GLDN: variants seen among roughly 807,000 people sequenced by gnomAD.
The protein encoded by GLDN is gliomedin.
A neutral mutation model predicts 56.5 loss-of-function variants in GLDN; 47 were observed. The observed-to-expected ratio is 0.83, with a 90% CI of 0.66 to 1.06. The LOEUF (loss-of-function observed/expected upper bound fraction) is 1.06. GLDN is among the 50% of genes least tolerant of loss of function. The pLI, the probability that GLDN is intolerant of heterozygous loss-of-function variation, is 0.00. For missense variants in GLDN, 782 were observed against 714.3 expected, an observed-to-expected ratio of 1.09 and a Z score of -1.08; for synonymous variants, 332 against 278.8, an observed-to-expected ratio of 1.19 and a Z score of -1.90.
At chr15:51,411,180 G>C (rs533605065), downstream of GLDN, among the ~76,000 whole-genome samples, 1 of 152,328 alleles carries the variant, frequency 6.6e-6, no homozygotes, top group Admixed American at 6.5e-5. Flanking sequence ...ATCACCAATA[G>C]AAAACTGAGT....
At chr15:51,398,708 T>C (rs2038187326) in intron 6 of GLDN, among the ~76,000 whole-genome samples, 1 of 152,218 alleles carries the variant, frequency 6.6e-6, no homozygotes, top group African/African-American at 2.4e-5. Flanking sequence ...AATTCTGCAA[T>C]GTGAGACCAC....
At chr15:51,363,047 C>A (rs543944840) in intron 1 of GLDN, among the ~76,000 whole-genome samples, 12 of 152,166 alleles carry the variant, frequency 7.9e-5, no homozygotes, top group African/African-American at 2.9e-4. Flanking sequence ...GGCAAAACTG[C>A]AGATAGAACA....
intron 1 of GLDN, among the ~76,000 whole-genome samples, chr15:51,355,431 G>T (rs947911216): frequency 4.6e-5 from 7 of 152,048 alleles, no homozygotes; most frequent in African/African-American, 1.4e-4. Flanking sequence ...TAATTGGCAC[G>T]TAATGAGCAG....
chr15:51,400,124 G>C, intron 6 of GLDN, 68 bp from the exon 7 acceptor site: 1 of 1,326,150 alleles, frequency 7.5e-7, no homozygotes, highest in South Asian at 1.2e-5. Flanking sequence ...AAGAGCAGCA[G>C]CTATAAAGTC....
intron 1 of GLDN, among the ~76,000 whole-genome samples, chr15:51,373,896 C>G (rs2037568863): frequency 1.3e-5 from 2 of 152,160 alleles, no homozygotes; most frequent in Admixed American, 1.3e-4. Flanking sequence ...ATTTGACCAT[C>G]TAGATTTTGT....
chr15:51,384,099 T>C, intron 4 of GLDN: 1 of 605,312 alleles, frequency 1.7e-6, no homozygotes, highest in South Asian at 1.7e-5. Context: ...TATTTCAAAC[T>C]GGAGAAGCCG....
At chr15:51,391,611 G>A (rs557911593) in intron 4 of GLDN, among the ~76,000 whole-genome samples, 1 of 152,300 alleles carries the variant, frequency 6.6e-6, no homozygotes, top group East Asian at 1.9e-4. Flanking sequence ...CGGGCAGAAG[G>A]GCTCTTCTCA....
At chr15:51,360,618 C>G (rs941569904) in intron 1 of GLDN, 1 of 152,272 alleles carries the variant, frequency 6.6e-6, no homozygotes, top group African/African-American at 2.4e-5. Context: ...TCTTCTGTCC[C>G]GGATAACTAT....
At chr15:51,356,614 G>A (rs78701877) in intron 1 of GLDN, among the ~76,000 whole-genome samples, 9 of 152,260 alleles carry the variant, frequency 5.9e-5, no homozygotes, top group East Asian at 1.9e-4. Flanking sequence ...GGTAAAGAGC[G>A]TGGGCATTGG....
chr15:51,351,064 A>AT (rs990094710), intron 1 of GLDN: 5 of 246,646 alleles, frequency 2.0e-5, no homozygotes, highest in Admixed American at 4.1e-5. Flanking sequence ...TAAACTCAAG[A>AT]TTTTTTTGTC....
At chr15:51,370,236 TC>T (rs1430967576) in intron 1 of GLDN, among the ~76,000 whole-genome samples, 1 of 152,162 alleles carries the variant, frequency 6.6e-6, no homozygotes, top group Non-Finnish European at 1.5e-5. Flanking sequence ...TCATCCCTCC[TC>T]CCCACATCCT....
intron 1 of GLDN, among the ~76,000 whole-genome samples, chr15:51,359,122 A>G (rs887620670): frequency 2.0e-5 from 3 of 152,186 alleles, no homozygotes; most frequent in Non-Finnish European, 4.4e-5. Flanking sequence ...CAAGGAACCA[A>G]AAGCCACCAA....
chr15:51,351,897 A>G (rs576109419), intron 1 of GLDN, among the ~76,000 whole-genome samples: 6 of 152,290 alleles, frequency 3.9e-5, no homozygotes, highest in Admixed American at 6.5e-5. Flanking sequence ...CATCTGTATG[A>G]CTGAGAAAAT....
downstream of GLDN, among the ~76,000 whole-genome samples, chr15:51,412,591 G>A (rs1395789725): frequency 6.6e-6 from 1 of 152,190 alleles, no homozygotes; most frequent in Admixed American, 6.5e-5. Context: ...TTTGGTTCAT[G>A]TTAGCATAGG....
intron 1 of GLDN, among the ~76,000 whole-genome samples, chr15:51,365,260 A>G (rs1363352611): frequency 1.3e-5 from 2 of 151,960 alleles, no homozygotes; most frequent in African/African-American, 4.8e-5. Flanking sequence ...AATTTTTTTC[A>G]TTGTATGAGA....
At chr15:51,369,788 T>C (rs1175509901) in intron 1 of GLDN, among the ~76,000 whole-genome samples, 1 of 152,238 alleles carries the variant, frequency 6.6e-6, no homozygotes, top group Non-Finnish European at 1.5e-5. Context: ...AATCTGTGTT[T>C]CAAGTTGAAT....
intron 1 of GLDN, among the ~76,000 whole-genome samples, chr15:51,343,648 A>T (rs1166215606): frequency 6.6e-6 from 1 of 152,232 alleles, no homozygotes; most frequent in African/African-American, 2.4e-5. Context: ...CAGACTGGAT[A>T]TTATTAGTAG....
chr15:51,395,335 A>G (rs1293056718), intron 5 of GLDN, among the ~76,000 whole-genome samples: 1 of 152,208 alleles, frequency 6.6e-6, no homozygotes, highest in Non-Finnish European at 1.5e-5. Context: ...GACAGGAAGC[A>G]CAAGCGTTTG....
chr15:51,397,452 C>G lies in GLDN; in HGVS notation c.689-18C>G. On this transcript the variant is annotated intron_variant, in intron 5 of 9. Transcript: ENST00000335449. ...ACCTCTTGCCTCCTTCTCTCCCTTT[C>G]TCTCTCTCTCTCTCCAGGTGCCAAA... 1.1e-6 allele frequency: 1 copy of G among 940,290 alleles called. No individual in the cohort carries two copies. Among genetic ancestry groups the G allele is most frequent in the Non-Finnish European group, 1.4e-6 (1 of 711,306 alleles). 58.2% of individuals were successfully genotyped at this position (940,290 alleles called of 1,614,324 possible).
Sources: allele counts gnomAD v4.1 joint callset (sites outside exome capture counted in the v4.1 genomes callset), GRCh38; gene constraint gnomAD v4.1.1; transcripts MANE v1.5; gene names NCBI Gene and HGNC (gene_info 2026-07-23, HGNC 2026-07-21).